Variants in EXOC6B observed in about 807,000 individuals in gnomAD.
The protein encoded by EXOC6B is SEC15 homolog B.
EXOC6B carries 54 observed loss-of-function variants against 113.5 expected under a neutral mutation model. The ratio of observed to expected loss-of-function variants is 0.48; its 90% CI spans 0.38 to 0.60. The LOEUF (loss-of-function observed/expected upper bound fraction) is 0.60, where lower values mean the gene tolerates loss of function less well. Among genes scored for constraint, EXOC6B ranks in the 20% least tolerant of loss-of-function variants. The pLI, the probability that EXOC6B is intolerant of heterozygous loss-of-function variation, is 0.00. For synonymous variants in EXOC6B, 357 were observed against 339.0 expected, an observed-to-expected ratio of 1.05 and a Z score of -0.58; for missense variants, 797 against 977.5, an observed-to-expected ratio of 0.82 and a Z score of 2.46.
intron 6 of EXOC6B, among the ~76,000 whole-genome samples, chr2:72,605,285 CA>C (rs777656180): frequency 3.1e-3 from 328 of 104,430 alleles, no homozygotes; most frequent in Middle Eastern, 5.7e-3. Context: ...CTCTGTCTCC[CA>C]AAAAAAAAAA....
At chr2:72,721,356 T>C (rs1679988853) in intron 5 of EXOC6B, among the ~76,000 whole-genome samples, 1 of 128,498 alleles carries the variant, frequency 7.8e-6, no homozygotes, top group South Asian at 2.3e-4. Flanking sequence ...AAACTTGAGT[T>C]GTTTTTGTAA....
chr2:72,824,697 A>G (rs1334655538), intron 1 of EXOC6B, among the ~76,000 whole-genome samples: 5 of 152,190 alleles, frequency 3.3e-5, no homozygotes, highest in Admixed American at 3.3e-4. Context: ...TTATCTATGT[A>G]TTGGCTGCAT....
intron 20 of EXOC6B, among the ~76,000 whole-genome samples, chr2:72,218,138 A>G (rs1364200841): frequency 6.6e-6 from 1 of 152,206 alleles, no homozygotes; most frequent in Non-Finnish European, 1.5e-5. Context: ...ATGCCCAGTC[A>G]GAGGAAAACA....
intron 6 of EXOC6B, among the ~76,000 whole-genome samples, chr2:72,713,913 A>G (rs762340724): frequency 2.0e-5 from 3 of 152,214 alleles, no homozygotes; most frequent in African/African-American, 4.8e-5. Context: ...TAGCTAGAGT[A>G]TATTTCCAAG....
At chr2:72,269,659 C>A (rs945282132) in intron 20 of EXOC6B, among the ~76,000 whole-genome samples, 1 of 152,098 alleles carries the variant, frequency 6.6e-6, no homozygotes, top group African/African-American at 2.4e-5. Flanking sequence ...AAAAGGCAAC[C>A]TTTGACATCA....
chr2:72,308,972 A>G (rs1051983741), intron 20 of EXOC6B, among the ~76,000 whole-genome samples: 10 of 152,140 alleles, frequency 6.6e-5, no homozygotes, highest in African/African-American at 2.4e-4. Flanking sequence ...AGAGAAAAAT[A>G]GTTTCTATTA....
chr2:72,761,423 G>A (rs1446328279), intron 1 of EXOC6B, among the ~76,000 whole-genome samples: 1 of 152,040 alleles, frequency 6.6e-6, no homozygotes, highest in Non-Finnish European at 1.5e-5. Context: ...TGCATTTAGG[G>A]CACTCTCCAA....
chr2:72,671,776 AAAG>A (rs1558902755), intron 6 of EXOC6B, among the ~76,000 whole-genome samples: 4 of 120,508 alleles, frequency 3.3e-5, no homozygotes, highest in Non-Finnish European at 6.7e-5. Flanking sequence ...AGAAAGAAAG[AAAG>A]AAAGAAAGAA....
At chr2:72,465,551 TA>T (rs1211171017) in intron 17 of EXOC6B, among the ~76,000 whole-genome samples, 2 of 152,296 alleles carry the variant, frequency 1.3e-5, no homozygotes, top group East Asian at 3.9e-4. Flanking sequence ...TAAGAGATGC[TA>T]AAATGAAAGC....
At chr2:72,821,128 T>C (rs914591024) in intron 1 of EXOC6B, among the ~76,000 whole-genome samples, 8 of 151,990 alleles carry the variant, frequency 5.3e-5, no homozygotes, top group African/African-American at 1.9e-4. Context: ...TCAGAATACA[T>C]AGAGAACTCC....
At chr2:72,626,042 C>CTA (rs1235891506) in intron 6 of EXOC6B, among the ~76,000 whole-genome samples, 3 of 152,214 alleles carry the variant, frequency 2.0e-5, no homozygotes, top group Admixed American at 6.6e-5. Context: ...CACATCAGGA[C>CTA]TATATACATA....
At chr2:72,329,682 T>TG (rs1688325376) in intron 20 of EXOC6B, among the ~76,000 whole-genome samples, 1 of 152,052 alleles carries the variant, frequency 6.6e-6, no homozygotes, top group African/African-American at 2.4e-5. Flanking sequence ...AAGAGGATCA[T>TG]GACAGGATGA....
chr2:72,677,310 C>A (rs1401183310), intron 6 of EXOC6B, among the ~76,000 whole-genome samples: 2 of 152,004 alleles, frequency 1.3e-5, no homozygotes, highest in Non-Finnish European at 2.9e-5. Flanking sequence ...GCAGGCAGAT[C>A]CCTTGAGCCC....
intron 8 of EXOC6B, 105 bp downstream of exon 8, chr2:72,559,348 C>T: frequency 1.4e-6 from 1 of 725,238 alleles, no homozygotes; most frequent in Non-Finnish European, 2.0e-6. Context: ...AGAGTTTTCT[C>T]ATTTTTCACT....
In EXOC6B at chr2:72,240,822, T is replaced by C. The variant is rs189504239; in HGVS notation, c.2197-56635A>G. ...ATATAAGAGGCTTAGAATTTGTCAC[T>C]ACAGTTCTTACAACAAAGAAAAAGT... On this transcript the variant is annotated intron_variant, in intron 20 of 21. Coordinates refer to ENST00000272427, the MANE Select transcript of EXOC6B (RefSeq NM_015189.3). Among the ~76,000 whole-genome samples the C allele has an allele frequency of 3.2e-3, 494 of 152,354 alleles. 2 individuals are homozygous for C. Among genetic ancestry groups the C allele is most frequent in the African/African-American group, 0.011 (469 of 41,588 alleles).
intron 15 of EXOC6B, among the ~76,000 whole-genome samples, chr2:72,494,350 A>G (rs1422411230): frequency 6.6e-6 from 1 of 152,114 alleles, no homozygotes; most frequent in Non-Finnish European, 1.5e-5. Flanking sequence ...CAGGTGGGGG[A>G]TGGAAACCCA....
chr2:72,457,016 A>AGG (rs1558685277), intron 18 of EXOC6B, among the ~76,000 whole-genome samples: 6 of 151,946 alleles, frequency 3.9e-5, no homozygotes, highest in African/African-American at 1.2e-4. Context: ...GGGGGGGAAA[A>AGG]AAAAAAAAGA....
chr2:72,747,728 T>A (rs1253155935), intron 1 of EXOC6B, among the ~76,000 whole-genome samples: 1 of 152,070 alleles, frequency 6.6e-6, no homozygotes, highest in Non-Finnish European at 1.5e-5. Flanking sequence ...TCCCTGGACC[T>A]AGGCCATTCT....
At chr2:72,801,208 C>T (rs889478995) in intron 1 of EXOC6B, among the ~76,000 whole-genome samples, 2 of 152,138 alleles carry the variant, frequency 1.3e-5, no homozygotes, top group Admixed American at 1.3e-4. Context: ...AGAAAGAAAA[C>T]ATTAGCATCC....
Sources: allele counts gnomAD v4.1 joint callset (sites outside exome capture counted in the v4.1 genomes callset), GRCh38; gene constraint gnomAD v4.1.1; transcripts MANE v1.5; gene names NCBI Gene and HGNC (gene_info 2026-07-23, HGNC 2026-07-21).